Variants in CERT1 observed in about 807,000 individuals in gnomAD.
CERT1 encodes ceramide transfer protein.
CERT1 carries 31 observed loss-of-function variants against 87.9 expected under a neutral mutation model. That is an observed-to-expected ratio of 0.35 (90% CI 0.27 to 0.48). The LOEUF is 0.48. CERT1 is among the 20% of genes least tolerant of loss of function. The probability of loss-of-function intolerance (pLI) is 0.99; values close to 1 mark genes in which losing one functional copy is unlikely to be tolerated. For missense variants in CERT1, 487 were observed against 758.0 expected, an observed-to-expected ratio of 0.64 and a Z score of 4.20; for synonymous variants, 289 against 250.9, an observed-to-expected ratio of 1.15 and a Z score of -1.44.
At chr5:75,391,001 C>T (rs916239143) in intron 11 of CERT1, among the ~76,000 whole-genome samples, 29 of 151,622 alleles carry the variant, frequency 1.9e-4, no homozygotes, top group Admixed American at 6.6e-5. Context: ...GGTCTCACTT[C>T]GTGGCCCAGA....
At chr5:75,440,153 C>G (rs1480410258) in intron 3 of CERT1, among the ~76,000 whole-genome samples, 2 of 151,864 alleles carry the variant, frequency 1.3e-5, no homozygotes, top group Non-Finnish European at 2.9e-5. Context: ...TAAGACAGTC[C>G]CTTGCTGAAC....
downstream of CERT1, chr5:75,374,937 C>A: frequency 3.4e-6 from 1 of 296,000 alleles, no homozygotes; most frequent in Non-Finnish European, 6.6e-6. Context: ...GTGTGTTAGA[C>A]CAAGTGTGAA....
At chr5:75,426,531 A>G in intron 3 of CERT1, 53 bp from the exon 4 acceptor site, 1 of 1,307,080 alleles carries the variant, frequency 7.7e-7, no homozygotes, top group Non-Finnish European at 1.1e-6. Flanking sequence ...AATACTTGAG[A>G]AAACAAAAGG....
intron 5 of CERT1, among the ~76,000 whole-genome samples, chr5:75,422,865 A>G (rs1763446258): frequency 6.6e-6 from 1 of 152,218 alleles, no homozygotes; most frequent in African/African-American, 2.4e-5. Flanking sequence ...TTGGACACAG[A>G]CACATACAAA....
At chr5:75,374,030 A>G (rs1251200437), downstream of CERT1, 18 of 398,562 alleles carry the variant, frequency 4.5e-5, no homozygotes, top group Non-Finnish European at 3.1e-5. Flanking sequence ...CTAGTGTTAG[A>G]TGTTCAGCTT....
intron 3 of CERT1, among the ~76,000 whole-genome samples, chr5:75,436,378 C>G (rs1764098033): frequency 6.6e-6 from 1 of 152,176 alleles, no homozygotes; most frequent in Non-Finnish European, 1.5e-5. Flanking sequence ...TATTAAAATC[C>G]TAGAGCAAAG....
intron 1 of CERT1, among the ~76,000 whole-genome samples, chr5:75,506,844 T>C (rs1220247768): frequency 2.0e-5 from 3 of 152,018 alleles, no homozygotes; most frequent in Non-Finnish European, 4.4e-5. Flanking sequence ...ACCTTAAGAG[T>C]TTCTGTGTTG....
intron 3 of CERT1, among the ~76,000 whole-genome samples, chr5:75,429,832 T>C (rs1338968845): frequency 2.0e-4 from 15 of 76,198 alleles, no homozygotes; most frequent in Non-Finnish European, 2.7e-5. Context: ...CATCCAAATA[T>C]AAGAAAAAAT....
chr5:75,489,915 C>T (rs561676600), intron 2 of CERT1, among the ~76,000 whole-genome samples: 4 of 152,130 alleles, frequency 2.6e-5, no homozygotes, highest in Admixed American at 2.0e-4. Context: ...CACATGCATA[C>T]GTATGTTTAC....
chr5:75,511,336 G>A lies in CERT1; in HGVS notation c.-129C>T. 1 of 1,545,702 alleles carries A rather than the reference G, an allele frequency of 6.5e-7. No individual in the cohort carries two copies. Among genetic ancestry groups the A allele is most frequent in the Non-Finnish European group, 8.7e-7 (1 of 1,146,166 alleles). On this transcript the variant is annotated 5_prime_UTR_variant, in exon 1 of 17. Transcript: ENST00000643780. ...AGTGCCCGCTCCGGTGTGGGGGGGA[G>A]CAGGAGGAGGGACGAAGTCCGCCCG... is the stretch of plus-strand genomic sequence containing the variant.
chr5:75,498,032 G>C (rs1485208754), intron 2 of CERT1, among the ~76,000 whole-genome samples: 1 of 152,204 alleles, frequency 6.6e-6, no homozygotes, highest in African/African-American at 2.4e-5. Flanking sequence ...TGGAGATGCA[G>C]AACTTGTTGG....
At chr5:75,390,132 CAT>C (rs1491500583) in intron 11 of CERT1, among the ~76,000 whole-genome samples, 2 of 152,130 alleles carry the variant, frequency 1.3e-5, no homozygotes, top group South Asian at 2.1e-4. Context: ...TGAACAAAGA[CAT>C]AGAGAGAGAG....
At chr5:75,460,768 T>C (rs1170304689) in intron 2 of CERT1, among the ~76,000 whole-genome samples, 1 of 152,208 alleles carries the variant, frequency 6.6e-6, no homozygotes, top group Non-Finnish European at 1.5e-5. Context: ...ATCTCATCAG[T>C]TTATTTAGCA....
intron 7 of CERT1, among the ~76,000 whole-genome samples, chr5:75,412,411 G>A (rs776315466): frequency 2.6e-5 from 4 of 152,186 alleles, no homozygotes; most frequent in Non-Finnish European, 5.9e-5. Context: ...CTACTCTGAA[G>A]AGCGTGATCA....
intron 2 of CERT1, among the ~76,000 whole-genome samples, chr5:75,468,087 T>C (rs922627170): frequency 1.3e-5 from 2 of 152,194 alleles, no homozygotes; most frequent in African/African-American, 4.8e-5. Flanking sequence ...TGATAATGGA[T>C]AGACATTACT....
chr5:75,374,102 C>A (rs573152762), downstream of CERT1: 1 of 397,416 alleles, frequency 2.5e-6, no homozygotes, highest in Non-Finnish European at 4.4e-6. Context: ...ACAGACAAGG[C>A]TATAGATCCT....
chr5:75,370,412 T>C (rs1223159508), intron 17 of CERT1: 1 of 152,210 alleles, frequency 6.6e-6, no homozygotes, highest in African/African-American at 2.4e-5. Context: ...TATGATTAAA[T>C]GCATACAGCT....
intron 3 of CERT1, among the ~76,000 whole-genome samples, chr5:75,427,152 T>C (rs935320117): frequency 1.3e-5 from 2 of 152,230 alleles, no homozygotes; most frequent in Admixed American, 1.3e-4. Context: ...GGGATGATAC[T>C]CTTCAGAGCA....
chr5:75,506,094 C>T lies in CERT1; in HGVS notation c.119G>A (p.Trp40Ter). The change falls in exon 2 of 17, where the codon TGG becomes TAG. Residue 40 changes from tryptophan to a stop codon, truncating the protein, a stop_gained. Transcript: ENST00000643780. LOFTEE classifies it high-confidence loss of function. ...TTTCAAAACTACCCAACGATCCTGC[C>T]ACCCATGAATGTAGTTTGTCCACTG... is the stretch of plus-strand genomic sequence containing the variant. ...LSKWTNYIHG[W>*]QDRWVVLKNN... 1 of 1,612,798 alleles carries T rather than the reference C, an allele frequency of 6.2e-7. No individual in the cohort carries two copies. The highest frequency in any genetic ancestry group is 8.5e-7 in the Non-Finnish European group (1 of 1,179,082).
Sources: gnomAD v4.1 joint callset for allele counts (sites outside exome capture counted in the v4.1 genomes callset) on GRCh38, gnomAD v4.1.1 for gene constraint, MANE v1.5 for transcripts, NCBI Gene and HGNC (gene_info 2026-07-23, HGNC 2026-07-21) for gene names.